Variants in TACR1 observed in about 807,000 individuals in gnomAD.
The protein encoded by TACR1 is substance-P receptor.
Under a neutral mutation model 35.8 loss-of-function variants are expected in TACR1, and 25 were observed. That is an observed-to-expected ratio of 0.70 (90% confidence interval 0.51 to 0.98). The LOEUF is 0.98. Among genes scored for constraint, TACR1 ranks in the 50% least tolerant of loss-of-function variants. The probability of loss-of-function intolerance (pLI) is 0.00; values close to 1 mark genes in which losing one functional copy is unlikely to be tolerated. For missense variants in TACR1, 478 were observed against 522.9 expected, an observed-to-expected ratio of 0.91 and a Z score of 0.84; for synonymous variants, 195 against 206.7, an observed-to-expected ratio of 0.94 and a Z score of 0.48.
intron 1 of TACR1, among the ~76,000 whole-genome samples, chr2:75,172,285 T>C (rs1053575266): frequency 1.4e-4 from 21 of 152,336 alleles, no homozygotes; most frequent in African/African-American, 4.8e-4. Context: ...GAAGGCACCC[T>C]GAACAGCCCC....
At chr2:75,154,401 A>AGGGCGCGCGCGCGCGCGC (rs1553380901) in intron 1 of TACR1, 1 of 76,444 alleles carries the variant, frequency 1.3e-5, no homozygotes, top group Non-Finnish European at 2.7e-5. Context: ...ATCAGCCAAG[A>AGGGCGCGCGCGCGCGCGC]GCGCGCACGC....
chr2:75,075,947 A>G (rs1158560630), intron 2 of TACR1, among the ~76,000 whole-genome samples: 2 of 152,260 alleles, frequency 1.3e-5, no homozygotes, highest in Non-Finnish European at 1.5e-5. Flanking sequence ...TCTACATAAC[A>G]TGTCTTCAGT....
chr2:75,182,338 C>G (rs1200849807), intron 1 of TACR1, among the ~76,000 whole-genome samples: 2 of 152,150 alleles, frequency 1.3e-5, no homozygotes, highest in Non-Finnish European at 2.9e-5. Context: ...TAGTAGGGGA[C>G]TGCAAAGGGC....
At position 75,198,846 on chromosome 2, in the gene TACR1, C is replaced by A. The variant is rs1041501890; in HGVS notation, c.89G>T (p.Trp30Leu). ...SEPNQFVQPA[W>L]QIVLWAAAYT... ...GGCAGCTGCCCAAAGGACAATTTGC[C>A]AGGCTGGTTGCACGAACTGATTGGG... The change falls in exon 1 of 5, where the codon TGG becomes TTG. Residue 30 changes from tryptophan (W) to leucine (L), a missense_variant. By Grantham distance (61) the Trp-to-Leu change is moderately conservative (BLOSUM62 -2). Transcript: ENST00000305249. The A allele has an allele frequency of 6.2e-7, 1 of 1,614,126 alleles. No homozygotes were observed. Among genetic ancestry groups the A allele is most frequent in the African/African-American group, 1.3e-5 (1 of 75,054 alleles).
intron 2 of TACR1, among the ~76,000 whole-genome samples, chr2:75,098,540 G>A (rs1246946313): frequency 6.6e-6 from 1 of 152,174 alleles, no homozygotes; most frequent in Admixed American, 6.5e-5. Flanking sequence ...AGACCTCTGA[G>A]AATAGCTGCC....
chr2:75,101,479 A>T (rs768514103), intron 2 of TACR1, among the ~76,000 whole-genome samples: 3 of 152,164 alleles, frequency 2.0e-5, no homozygotes, highest in Non-Finnish European at 4.4e-5. Flanking sequence ...TAATTTTCAT[A>T]TTGAGGAAAC....
rs1572997562 is a variant in TACR1 at position 75,198,518 on chromosome 2, C to G, written c.389+28G>C. ...TGCCGTGGTCCTCTATGAGCACTTT[C>G]TCGCCTTTTCACAAAGGCTAATCTC... On this transcript the variant is annotated intron_variant, in intron 1 of 4. Coordinates refer to ENST00000305249, the MANE Select transcript of TACR1 (RefSeq NM_001058.4). The G allele has an allele frequency of 5.0e-6, 8 of 1,604,426 alleles. No homozygotes were observed. The East Asian group carries it at 1.8e-4, about 36-fold the overall frequency.
intron 1 of TACR1, among the ~76,000 whole-genome samples, chr2:75,152,232 CCCAGGGGCTGAAT>C (rs1553380577): frequency 6.6e-6 from 1 of 152,104 alleles, no homozygotes; most frequent in Non-Finnish European, 1.5e-5. Flanking sequence ...ATCTGTAGGG[CCCAGGGGCTGAAT>C]GATATGGTTT....
At chr2:75,090,395 A>G (rs1045353328) in intron 2 of TACR1, among the ~76,000 whole-genome samples, 3 of 152,200 alleles carry the variant, frequency 2.0e-5, no homozygotes, top group East Asian at 1.9e-4. Flanking sequence ...GGGCATTAAC[A>G]TCAACACGGA....
At chr2:75,184,326 A>C (rs1675634735) in intron 1 of TACR1, among the ~76,000 whole-genome samples, 2 of 152,160 alleles carry the variant, frequency 1.3e-5, no homozygotes, top group Admixed American at 6.5e-5. Flanking sequence ...TGTCTGTCTT[A>C]AGCCAATGGG....
chr2:75,165,070 A>G (rs951031755), intron 1 of TACR1, among the ~76,000 whole-genome samples: 8 of 152,196 alleles, frequency 5.3e-5, no homozygotes, highest in African/African-American at 1.7e-4. Context: ...CTGAGCATCC[A>G]TGTTAGTCTT....
chr2:75,092,532 G>A (rs3771811), intron 2 of TACR1, among the ~76,000 whole-genome samples: 27,264 of 152,016 alleles, frequency 0.18, 3,119 homozygotes, highest in East Asian at 0.31. Flanking sequence ...ATGGGAAATG[G>A]GGACATTGTA....
In TACR1 at chr2:75,093,980, G is replaced by C. The variant is rs150247096; in HGVS notation, c.584+26594C>G. Among the ~76,000 whole-genome samples the C allele has an allele frequency of 7.1e-3, 1,074 of 152,176 alleles. 12 individuals are homozygous for C. Among genetic ancestry groups the C allele is most frequent in the African/African-American group, 0.024 (1,012 of 41,520 alleles). On this transcript the variant is annotated intron_variant, in intron 2 of 4. Transcript: ENST00000305249. Reference sequence around the variant, plus strand: ...TACTCAGGTCACACAGCATGTTAGAGGCAAAGCCAGGGCTAGAAGCTGAGT... The same window carrying C: ...TACTCAGGTCACACAGCATGTTAGACGCAAAGCCAGGGCTAGAAGCTGAGT...
chr2:75,071,450 G>A (rs367984497), intron 2 of TACR1, among the ~76,000 whole-genome samples: 19 of 152,122 alleles, frequency 1.2e-4, no homozygotes, highest in South Asian at 4.1e-4. Context: ...ATCCCTTCCC[G>A]CTCTCATATC....
chr2:75,151,273 A>G (rs1293808328), intron 1 of TACR1, among the ~76,000 whole-genome samples: 2 of 152,226 alleles, frequency 1.3e-5, no homozygotes, highest in Non-Finnish European at 2.9e-5. Context: ...AGGTCATGTC[A>G]GAGACCTTCA....
At chr2:75,167,489 C>T (rs1486759094) in intron 1 of TACR1, among the ~76,000 whole-genome samples, 2 of 152,164 alleles carry the variant, frequency 1.3e-5, no homozygotes, top group Non-Finnish European at 2.9e-5. Context: ...TGCCTAGAAA[C>T]AAACCCTACT....
chr2:75,180,556 G>T (rs2104045865), intron 1 of TACR1, among the ~76,000 whole-genome samples: 1 of 152,260 alleles, frequency 6.6e-6, no homozygotes, highest in South Asian at 2.1e-4. Context: ...TGTGCCTTTT[G>T]CACTTTTCAA....
At chr2:75,197,978 C>A (rs944638393) in intron 1 of TACR1, among the ~76,000 whole-genome samples, 2 of 152,122 alleles carry the variant, frequency 1.3e-5, no homozygotes, top group African/African-American at 4.8e-5. Flanking sequence ...CCAAAACAAA[C>A]AAACAAACAA....
intron 4 of TACR1, among the ~76,000 whole-genome samples, chr2:75,050,480 G>A (rs913640912): frequency 2.6e-5 from 4 of 152,180 alleles, no homozygotes; most frequent in African/African-American, 7.2e-5. Context: ...CCAGAGGCTG[G>A]TGGTGCTCTG....
Sources: allele counts gnomAD v4.1 joint callset (sites outside exome capture counted in the v4.1 genomes callset), GRCh38; gene constraint gnomAD v4.1.1; transcripts MANE v1.5; gene names NCBI Gene and HGNC (gene_info 2026-07-23, HGNC 2026-07-21).